The following RYR1 variants were observed in gnomAD, a reference collection of about 807,000 sequenced individuals.
RYR1 encodes ryanodine receptor 1.
In RYR1, 342 loss-of-function variants were observed where a neutral mutation model predicts 583.5. The observed-to-expected ratio is 0.59, with a 90% CI of 0.54 to 0.64. The LOEUF is 0.64. Among genes scored for constraint, RYR1 ranks in the 30% least tolerant of loss-of-function variants. RYR1 has a pLI of 0.00. For missense variants in RYR1, 6,032 were observed against 6,917.2 expected (o/e 0.87, Z 4.54); for synonymous variants, 2,791 against 2,822.5 (o/e 0.99, Z 0.35).
At chr19:38,554,966 G>A (rs982722229) in intron 89 of RYR1, among the ~76,000 whole-genome samples, 7 of 152,076 alleles carry the variant, frequency 4.6e-5, no homozygotes, top group Non-Finnish European at 8.8e-5. Flanking sequence ...GGTTTATAGT[G>A]TGTTCACAGA....
At chr19:38,504,155 C>T (rs570493766) in intron 49 of RYR1, 65 bp from the exon 50 acceptor site, 37 of 1,542,926 alleles carry the variant, frequency 2.4e-5, no homozygotes, top group Admixed American at 3.9e-5. Context: ...CTCTCTGGGC[C>T]TTCGTCTGCC....
chr19:38,476,561 G>A (rs1417823710), intron 29 of RYR1, among the ~76,000 whole-genome samples: 1 of 152,062 alleles, frequency 6.6e-6, no homozygotes, highest in Non-Finnish European at 1.5e-5. Context: ...TCAAATCCCC[G>A]ACCTCAAATG....
intron 53 of RYR1, 146 bp from the exon 54 acceptor site, chr19:38,505,660 C>T (rs1326796380): frequency 1.9e-6 from 2 of 1,029,772 alleles, no homozygotes; most frequent in Non-Finnish European, 2.9e-6. Context: ...TTGGGAGGCT[C>T]TGTTACAGAG....
Position 38,528,382 on chromosome 19 carries a change from C to T in RYR1, c.10901C>T (p.Ala3634Val). 1 of 1,614,174 alleles carries T rather than the reference C, an allele frequency of 6.2e-7. No homozygotes were observed. The highest frequency in any genetic ancestry group is 8.5e-7 in the Non-Finnish European group (1 of 1,180,044). Residue 3634 changes from alanine (A) to valine (V), a missense_variant, in exon 74 of 106, where the codon GCC (alanine) becomes GTC (valine). This residue lies in a region of RYR1 where 1,493 missense variants were observed against 1,715.5 expected (regional missense o/e 0.87). Coordinates refer to ENST00000359596, the MANE Select transcript of RYR1 (RefSeq NM_000540.3). ...LSKQRRRAVV[A>V]CFRMTPLYNL... Reference sequence around the variant, plus strand: ...AAACAGCGCCGGCGGGCAGTCGTGGCCTGTTTCCGTATGACGCCCCTGTAC... The same window carrying T: ...AAACAGCGCCGGCGGGCAGTCGTGGTCTGTTTCCGTATGACGCCCCTGTAC...
chr19:38,551,867 C>T (rs1601013982), intron 89 of RYR1, among the ~76,000 whole-genome samples: 1 of 152,166 alleles, frequency 6.6e-6, no homozygotes, highest in African/African-American at 2.4e-5. Flanking sequence ...TCATAGTTAC[C>T]ATATTCTCAC....
At position 38,499,486 on chromosome 19, in the gene RYR1, T is replaced by C. The variant is rs371936904; in HGVS notation, c.7028-149T>C. 81 of 1,026,114 alleles carry C rather than the reference T, an allele frequency of 7.9e-5. 7 individuals are homozygous for C. The East Asian group carries it at 2.1e-3, about 26-fold the overall frequency. 63.6% of individuals were successfully genotyped at this position (1,026,114 alleles called of 1,614,324 possible). On this transcript the variant is annotated intron_variant, in intron 43 of 105. Transcript: ENST00000359596. This position sits in a 1 kb window ranked among gnomAD's most constrained non-coding sequence, Gnocchi z 7.3. ...CCCTAGAGGTGTTGGGTCCTGGGGC[T>C]GGCAGGGGCCTGGTGTTACCTCTGG...
intron 42 of RYR1, among the ~76,000 whole-genome samples, chr19:38,497,807 CTACAAAAAA>C (rs1446761689): frequency 1.3e-5 from 2 of 151,884 alleles, no homozygotes; most frequent in African/African-American, 4.8e-5. Context: ...CACCTTGTCT[CTACAAAAAA>C]TACAAAAAGT....
intron 4 of RYR1, 39 bp from the exon 5 acceptor site, chr19:38,443,679 G>T: frequency 6.2e-7 from 1 of 1,613,748 alleles, no homozygotes; most frequent in Non-Finnish European, 8.5e-7. Flanking sequence ...GGCATGTGGG[G>T]CCTGCTAGAA....
Position 38,446,461 on chromosome 19 carries a change from CT to C in RYR1, c.632-10del, listed in dbSNP as rs750710176. The C allele has an allele frequency of 3.7e-6, 6 of 1,609,688 alleles. No homozygotes were observed. Among genetic ancestry groups the C allele is most frequent in the Non-Finnish European group, 5.1e-6 (6 of 1,175,880 alleles). ...GCCTCCCATTGACCAACTTCCCTTGCTCCTCTCCAGGCTTCGTGACGGGAGG... is the reference window on the plus strand; with the variant it reads ...GCCTCCCATTGACCAACTTCCCTTGCCCTCTCCAGGCTTCGTGACGGGAGG... On this transcript the variant is annotated splice_polypyrimidine_tract_variant and intron_variant, in intron 7 of 105. Coordinates refer to ENST00000359596, the MANE Select transcript of RYR1 (RefSeq NM_000540.3).
intron 31 of RYR1, among the ~76,000 whole-genome samples, chr19:38,482,359 C>T (rs1004921413): frequency 6.6e-6 from 1 of 152,112 alleles, no homozygotes; most frequent in Non-Finnish European, 1.5e-5. Flanking sequence ...GGCGGGACTG[C>T]TTCAGAGACA....
chr19:38,450,831 T>C (rs1317169343), intron 11 of RYR1, among the ~76,000 whole-genome samples: 1 of 151,932 alleles, frequency 6.6e-6, no homozygotes, highest in Non-Finnish European at 1.5e-5. Flanking sequence ...TGGACATGCG[T>C]AGCCCCAGGT....
At position 38,580,086 on chromosome 19, in the gene RYR1, G is replaced by T. The variant is rs371955808; in HGVS notation, c.14469G>T (p.Thr4823=). Residue 4823 remains threonine, a synonymous_variant, in exon 100 of 106, where the codon ACG becomes ACT. Coordinates refer to ENST00000359596, the MANE Select transcript of RYR1 (RefSeq NM_000540.3). Reference sequence around the variant, plus strand: ...TGGACATCGCCATGGGGGTCAAGACGCTGCGCACCATCCTGTCCTCTGTCA... The same window carrying T: ...TGGACATCGCCATGGGGGTCAAGACTCTGCGCACCATCCTGTCCTCTGTCA... ...HLLDIAMGVK[T]LRTILSSVTH... is the part of the protein sequence containing the mutation. The T allele has an allele frequency of 6.2e-7, 1 of 1,614,056 alleles. No individual in the cohort carries two copies. The highest frequency in any genetic ancestry group is 1.3e-5 in the African/African-American group (1 of 74,912).
intron 27 of RYR1, among the ~76,000 whole-genome samples, chr19:38,471,899 CAAAA>C (rs35479919): frequency 5.0e-5 from 3 of 60,008 alleles, no homozygotes; most frequent in East Asian, 5.9e-4. Flanking sequence ...GACTCTGTCT[CAAAA>C]AAAAAAAAAA....
intron 8 of RYR1, 49 bp from the exon 9 acceptor site, chr19:38,446,645 A>G (rs1972956556): frequency 1.2e-6 from 2 of 1,603,708 alleles, no homozygotes; most frequent in Non-Finnish European, 1.7e-6. Context: ...ATTAGGGACC[A>G]GATTCCGGGG....
chr19:38,451,489 TAGAG>T (rs1449860746), intron 11 of RYR1, among the ~76,000 whole-genome samples: 1 of 149,982 alleles, frequency 6.7e-6, no homozygotes, highest in African/African-American at 2.5e-5. Context: ...GATAGAGAGA[TAGAG>T]AGGGAGAGGC....
At chr19:38,586,620 C>T in intron 105 of RYR1, 44 bp downstream of exon 105, 7 of 1,574,514 alleles carry the variant, frequency 4.4e-6, no homozygotes, top group Non-Finnish European at 6.1e-6. Context: ...GACGTGGAGC[C>T]CTTTAACATA....
At position 38,587,520 on chromosome 19, in the gene RYR1, G is replaced by C. The variant is rs1974552651; in HGVS notation, c.*100G>C. On this transcript the variant is annotated 3_prime_UTR_variant, in exon 106 of 106. Transcript: ENST00000359596. ...CTCCCCCTAAGGCAGCTGGGGGAGA[G>C]GTGACCTAGTACTGGAAAATAAATC... The C allele has an allele frequency of 2.3e-6, 2 of 877,744 alleles. No homozygotes were observed. The highest frequency in any genetic ancestry group is 3.8e-6 in the Non-Finnish European group (2 of 521,758). The allele number at this position is 877,744 out of a possible 1,614,324, so 54.4% of individuals were successfully genotyped here.
chr19:38,493,464 G>A (rs555005620), intron 38 of RYR1, among the ~76,000 whole-genome samples: 2 of 152,104 alleles, frequency 1.3e-5, no homozygotes, highest in South Asian at 4.2e-4. Context: ...CAGCCGAGGG[G>A]GGAAAGTCAA....
intron 36 of RYR1, 26 bp from the exon 37 acceptor site, chr19:38,490,595 C>T (rs376477028): frequency 1.4e-6 from 2 of 1,440,856 alleles, no homozygotes; most frequent in Non-Finnish European, 2.0e-6. Context: ...CTCAGACCCT[C>T]ATTCTAATCT....
Sources: allele counts gnomAD v4.1 joint callset (sites outside exome capture counted in the v4.1 genomes callset), GRCh38; gene constraint gnomAD v4.1.1; regional missense constraint gnomAD v4.1.1; non-coding constraint Gnocchi (gnomAD v3.1); transcripts MANE v1.5; gene names NCBI Gene and HGNC (gene_info 2026-07-23, HGNC 2026-07-21).